Variants in PLCD3 observed in about 807,000 individuals in gnomAD.
PLCD3 encodes phospholipase C delta 3.
A neutral mutation model predicts 82.8 loss-of-function variants in PLCD3; 62 were observed. That is an observed-to-expected ratio of 0.75 (90% CI 0.61 to 0.93). The LOEUF is 0.93. PLCD3 is among the 40% of genes least tolerant of loss of function. The pLI is 0.00. For missense variants in PLCD3, 1,023 were observed against 1,103.4 expected (o/e 0.93, Z 1.03); for synonymous variants, 478 against 471.8 (o/e 1.01, Z -0.17).
chr17:45,130,459 T>A (rs1206907842), intron 1 of PLCD3, among the ~76,000 whole-genome samples: 1 of 152,142 alleles, frequency 6.6e-6, no homozygotes. Context: ...CCAATGGGCA[T>A]GGGGCCTCCC....
In PLCD3 at chr17:45,121,384, G is replaced by T. The variant is rs780520044; in HGVS notation, c.164-12C>A. ...GTCCTCCGTCAGGCCTGGCGGGGCG[G>T]GAGGACCCGGGGCGTCAGGCCGTAC... On this transcript the variant is annotated splice_polypyrimidine_tract_variant and intron_variant, in intron 1 of 14. Coordinates refer to ENST00000619929, the MANE Select transcript of PLCD3 (RefSeq NM_133373.5). The T allele has an allele frequency of 2.9e-5, 43 of 1,493,992 alleles. No homozygotes were observed. The Middle Eastern group carries it at 9.2e-4, about 32-fold the overall frequency. 92.5% of individuals were successfully genotyped at this position (1,493,992 alleles called of 1,614,324 possible).
rs1201313231 is a variant in PLCD3, at chr17:45,115,341, C to T, written c.1560+3G>A. On this transcript the variant is annotated splice_donor_region_variant and intron_variant, in intron 9 of 14. Transcript: ENST00000619929. ...TCCCCACCCCACCCATCCCAGCTCT[C>T]ACCAGCCGCCTCTGCGCTGCAGCCT... The T allele has an allele frequency of 2.8e-6, 4 of 1,448,814 alleles. No homozygotes were observed. Among genetic ancestry groups the T allele is most frequent in the Non-Finnish European group, 3.8e-6 (4 of 1,061,092 alleles). 89.7% of individuals were successfully genotyped at this position (1,448,814 alleles called of 1,614,324 possible). A position where few individuals can be genotyped will look rare whatever the true frequency, so the allele number is the denominator to read the frequency against.
chr17:45,113,161 C>G lies in PLCD3; in HGVS notation c.2092G>C (p.Asp698His). 1 of 1,613,218 alleles carries G rather than the reference C, an allele frequency of 6.2e-7. No individual in the cohort carries two copies. The highest frequency in any genetic ancestry group is 1.1e-5 in the South Asian group (1 of 90,836). ...VRIEIHGVPA[D>H]CARQETDYVL... is the part of the protein sequence containing the mutation. ...TAGTCAGTCTCCTGCCGGGCACAGTCTGCGGGCACCCCATGGATCTCAATG... is the reference window on the plus strand; with the variant it reads ...TAGTCAGTCTCCTGCCGGGCACAGTGTGCGGGCACCCCATGGATCTCAATG... The change falls in exon 13 of 15, where the codon GAC (aspartate) becomes CAC (histidine). Residue 698 changes from aspartate (D) to histidine (H), a missense_variant. Asp to His is a moderately conservative substitution (Grantham distance 81, BLOSUM62 -1). Around this residue, in one of 3 missense-constraint regions of PLCD3, gnomAD observed 553 missense variants for 655.7 expected, o/e 0.84. Transcript: ENST00000619929.
At position 45,109,964 on chromosome 17, in the gene PLCD3, G is replaced by C. The variant is rs1351469672; in HGVS notation, c.*2652C>G. The stretch of plus-strand genomic sequence containing the variant: ...ATGGTGGTGGGCGCCTGTAGTCCCA[G>C]CTACTTGGGAAGCTGAGGCAGGAGA... On this transcript the variant is annotated 3_prime_UTR_variant, in exon 15 of 15. Transcript: ENST00000619929. The C allele has an allele frequency of 6.6e-6, 1 of 152,288 alleles. No individual in the cohort carries two copies. Among genetic ancestry groups the C allele is most frequent in the Admixed American group, 6.5e-5 (1 of 15,280 alleles). The allele number at this position is 152,288 out of a possible 1,614,324, so 9.4% of individuals were successfully genotyped here.
chr17:45,130,575 C>T (rs910057483), intron 1 of PLCD3, among the ~76,000 whole-genome samples: 22 of 152,202 alleles, frequency 1.4e-4, no homozygotes, highest in Admixed American at 2.6e-4. Flanking sequence ...TGACACCTGT[C>T]GATCACAGAG....
chr17:45,128,704 C>T (rs1370932080), intron 1 of PLCD3, among the ~76,000 whole-genome samples: 1 of 152,224 alleles, frequency 6.6e-6, no homozygotes. Flanking sequence ...GCTGTGGGGA[C>T]ACAGGGTGGC....
rs34687475 is a variant in PLCD3 at position 45,111,373 on chromosome 17, A to AGTGTGTGTGTGTGTGTGT, written c.*1225_*1242dup. On this transcript the variant is annotated 3_prime_UTR_variant, in exon 15 of 15. Coordinates refer to ENST00000619929, the MANE Select transcript of PLCD3 (RefSeq NM_133373.5). ...TTCAAGGCCCCTCTGTGTATGTGTG[A>AGTGTGTGTGTGTGTGTGT]GTGTGTGTGTGTGTGTGTGTGTGTG... The AGTGTGTGTGTGTGTGTGT allele has an allele frequency of 2.0e-5, 3 of 147,080 alleles. No homozygotes were observed. Among genetic ancestry groups the AGTGTGTGTGTGTGTGTGT allele is most frequent in the African/African-American group, 7.5e-5 (3 of 40,136 alleles). The allele number at this position is 147,080 out of a possible 1,614,324, so 9.1% of individuals were successfully genotyped here. A position where few individuals can be genotyped will look rare whatever the true frequency, so the allele number is the denominator to read the frequency against.
At chr17:45,114,720 C>T (rs2054275639) in intron 10 of PLCD3, among the ~76,000 whole-genome samples, 1 of 152,200 alleles carries the variant, frequency 6.6e-6, no homozygotes, top group African/African-American at 2.4e-5. Context: ...CTGGAAAGCG[C>T]TCTCCCCTCT....
At chr17:45,123,574 C>A (rs2054358156) in intron 1 of PLCD3, among the ~76,000 whole-genome samples, 1 of 152,130 alleles carries the variant, frequency 6.6e-6, no homozygotes, top group African/African-American at 2.4e-5. Context: ...AGGGCAGAGG[C>A]CTCGCAGGTC....
intron 1 of PLCD3, among the ~76,000 whole-genome samples, chr17:45,124,100 A>G (rs1457745216): frequency 6.6e-6 from 1 of 152,130 alleles, no homozygotes; most frequent in African/African-American, 2.4e-5. Context: ...GGGACTGCTC[A>G]TTGCCATGAC....
intron 8 of PLCD3, chr17:45,115,695 C>G: frequency 1.7e-6 from 1 of 573,812 alleles, no homozygotes; most frequent in Non-Finnish European, 3.1e-6. Flanking sequence ...AATAAGGTCC[C>G]TCAACATCAG....
At chr17:45,126,550 G>T (rs544530188) in intron 1 of PLCD3, among the ~76,000 whole-genome samples, 37 of 150,186 alleles carry the variant, frequency 2.5e-4, no homozygotes, top group African/African-American at 8.3e-4. Flanking sequence ...TGATCCACTC[G>T]CCTCGGCCTC....
chr17:45,132,480 G>C lies in PLCD3; in HGVS notation c.-70C>G. 2 of 985,392 alleles carry C rather than the reference G, an allele frequency of 2.0e-6. No individual in the cohort carries two copies. Among genetic ancestry groups the C allele is most frequent in the South Asian group, 9.8e-5 (2 of 20,440 alleles). 61.0% of individuals were successfully genotyped at this position (985,392 alleles called of 1,614,324 possible). A position where few individuals can be genotyped will look rare whatever the true frequency, so the allele number is the denominator to read the frequency against. On this transcript the variant is annotated 5_prime_UTR_variant, in exon 1 of 15. Transcript: ENST00000619929. This position sits in a 1 kb window ranked among gnomAD's most constrained non-coding sequence, Gnocchi z 4.6. ...GACAGGGCAGCGGGGCGCCGCTCTGGCCCGGCCCCGGCTCTGAGCGAGGCG... is the reference window on the plus strand; with the variant it reads ...GACAGGGCAGCGGGGCGCCGCTCTGCCCCGGCCCCGGCTCTGAGCGAGGCG...
chr17:45,114,130 A>T, intron 11 of PLCD3, 120 bp downstream of exon 11: 1 of 749,770 alleles, frequency 1.3e-6, no homozygotes, highest in Non-Finnish European at 2.1e-6. Context: ...TGGCAACTTT[A>T]AAAATAATCA....
chr17:45,118,710 G>C lies in PLCD3; in HGVS notation c.913+105C>G. 1 of 1,256,870 alleles carries C rather than the reference G, an allele frequency of 8.0e-7. No individual in the cohort carries two copies. The highest frequency in any genetic ancestry group is 1.1e-6 in the Non-Finnish European group (1 of 918,764). 77.9% of individuals were successfully genotyped at this position (1,256,870 alleles called of 1,614,324 possible). A position where few individuals can be genotyped will look rare whatever the true frequency, so the allele number is the denominator to read the frequency against. ...TGGAAGCTGAGTCTGGAGGAGGTGA[G>C]GTAACCTGCCCGAGATGATGCCCGC... On this transcript the variant is annotated intron_variant, in intron 5 of 14. Transcript: ENST00000619929. The surrounding 1 kb of genome is among the most constrained non-coding windows in gnomAD (Gnocchi z 4.1).
At position 45,115,190 on chromosome 17, in the gene PLCD3, G is replaced by A. The variant is rs763410989; in HGVS notation, c.1615C>T (p.Arg539Cys). The A allele has an allele frequency of 9.9e-5, 157 of 1,584,432 alleles. No homozygotes were observed. The highest frequency in any genetic ancestry group is 6.6e-4 in the Middle Eastern group (4 of 6,018). Residue 539 changes from arginine to cysteine, a missense_variant, in exon 10 of 15, where the codon CGC becomes TGC. This residue lies in a region of PLCD3 where 553 missense variants were observed against 655.7 expected (regional missense o/e 0.84). Coordinates refer to ENST00000619929, the MANE Select transcript of PLCD3 (RefSeq NM_133373.5). ...SALAVYCHAT[R>C]LRTLHPAPNA... is the part of the protein sequence containing the mutation. Reference sequence around the variant, plus strand: ...GGGGCAGGGTGCAGGGTCCGCAGGCGGGTGGCGTGGCAGTACACAGCCAGG... The same window carrying A: ...GGGGCAGGGTGCAGGGTCCGCAGGCAGGTGGCGTGGCAGTACACAGCCAGG...
intron 1 of PLCD3, among the ~76,000 whole-genome samples, chr17:45,124,907 C>T (rs945683213): frequency 2.0e-5 from 3 of 152,224 alleles, no homozygotes; most frequent in Non-Finnish European, 2.9e-5. Flanking sequence ...TGGAAACAAC[C>T]CGAGTGCTCA....
At chr17:45,114,982 G>A in intron 10 of PLCD3, 112 bp downstream of exon 10, 2 of 1,406,372 alleles carry the variant, frequency 1.4e-6, no homozygotes, top group African/African-American at 2.9e-5. Flanking sequence ...CCCTCTTTGG[G>A]GTCCTCTTGA....
rs552098149 is a variant in PLCD3, at chr17:45,124,296, C to G, written c.164-2924G>C. Among the ~76,000 whole-genome samples, 4 of 152,396 alleles carry G rather than the reference C, an allele frequency of 2.6e-5. No homozygotes were observed. The East Asian group carries it at 7.7e-4, about 29-fold the overall frequency. On this transcript the variant is annotated intron_variant, in intron 1 of 14. Coordinates refer to ENST00000619929, the MANE Select transcript of PLCD3 (RefSeq NM_133373.5). ...CAGCCTGAACGCCTGACTGGGCCCC[C>G]ACTTGGGCAGGCTCCCAATGGAGGG...
Sources: allele counts gnomAD v4.1 joint callset (sites outside exome capture counted in the v4.1 genomes callset), GRCh38; gene constraint gnomAD v4.1.1; regional missense constraint gnomAD v4.1.1; non-coding constraint Gnocchi (gnomAD v3.1); transcripts MANE v1.5; gene names NCBI Gene and HGNC (gene_info 2026-07-23, HGNC 2026-07-21).